Variants in MYRIP observed in about 807,000 individuals in gnomAD.
MYRIP encodes the protein myosin VIIA and Rab interacting protein.
In MYRIP, 49 loss-of-function variants were observed where a neutral mutation model predicts 98.0. The ratio of observed to expected loss-of-function variants is 0.50; its 90% CI spans 0.40 to 0.63. The LOEUF (loss-of-function observed/expected upper bound fraction) is 0.63, where lower values mean the gene tolerates loss of function less well. Ranked by LOEUF, MYRIP falls within the 30% of genes least tolerant of loss-of-function variation. The pLI, the probability that MYRIP is intolerant of heterozygous loss-of-function variation, is 0.00. For missense variants in MYRIP, 1,004 were observed against 1,058.2 expected (o/e 0.95, Z 0.71); for synonymous variants, 404 against 409.5 (o/e 0.99, Z 0.16).
At position 40,070,665 on chromosome 3, in the gene MYRIP, C is replaced by T. The variant is rs1226702396; in HGVS notation, c.332+26394C>T. Among the ~76,000 whole-genome samples, 87 of 152,082 alleles carry T rather than the reference C, an allele frequency of 5.7e-4. 2 individuals are homozygous for T. Among genetic ancestry groups the T allele is most frequent in the Admixed American group, 5.4e-3 (83 of 15,268 alleles). ...GTGTGTGCGAGGGATCTAGGGTACACGCTCCTCATGAGAATCTAATGCCTG... is the reference window on the plus strand; with the variant it reads ...GTGTGTGCGAGGGATCTAGGGTACATGCTCCTCATGAGAATCTAATGCCTG... On this transcript the variant is annotated intron_variant, in intron 3 of 16. Coordinates refer to ENST00000302541, the MANE Select transcript of MYRIP (RefSeq NM_015460.4).
intron 1 of MYRIP, among the ~76,000 whole-genome samples, chr3:39,887,480 C>G (rs1409383144): frequency 6.6e-6 from 1 of 152,116 alleles, no homozygotes; most frequent in Non-Finnish European, 1.5e-5. Flanking sequence ...TTCAACAATG[C>G]TTCATGCTAA....
At chr3:39,968,189 G>A (rs1945486662) in intron 2 of MYRIP, among the ~76,000 whole-genome samples, 1 of 150,110 alleles carries the variant, frequency 6.7e-6, no homozygotes, top group African/African-American at 2.5e-5. Flanking sequence ...TGTCTTTCAG[G>A]GTTTTTATAG....
At chr3:40,208,193 TC>T (rs1261984416) in intron 10 of MYRIP, among the ~76,000 whole-genome samples, 1 of 152,168 alleles carries the variant, frequency 6.6e-6, no homozygotes, top group African/African-American at 2.4e-5. Context: ...CCATGATGTA[TC>T]TTAGATTTAT....
At chr3:39,843,127 C>T (rs1460333553) in intron 1 of MYRIP, among the ~76,000 whole-genome samples, 1 of 152,132 alleles carries the variant, frequency 6.6e-6, no homozygotes, top group Non-Finnish European at 1.5e-5. Context: ...GCTTCTTTTT[C>T]TTATTACCTA....
At chr3:40,221,517 G>A (rs1016013725) in intron 11 of MYRIP, among the ~76,000 whole-genome samples, 3 of 152,158 alleles carry the variant, frequency 2.0e-5, no homozygotes, top group African/African-American at 7.2e-5. Context: ...TGTGGTCCCA[G>A]CTACTCCGGA....
At chr3:39,950,147 T>C (rs1181381239) in intron 2 of MYRIP, among the ~76,000 whole-genome samples, 1 of 152,216 alleles carries the variant, frequency 6.6e-6, no homozygotes, top group East Asian at 1.9e-4. Context: ...TTCAAAAATA[T>C]GAATTCTTCC....
chr3:40,033,917 A>G (rs1049823861), intron 2 of MYRIP, among the ~76,000 whole-genome samples: 6 of 152,100 alleles, frequency 3.9e-5, no homozygotes, highest in Non-Finnish European at 7.4e-5. Flanking sequence ...AAATAATGCC[A>G]CATATCTACA....
Position 40,016,491 on chromosome 3 carries a change from A to C in MYRIP, c.111-27559A>C, listed in dbSNP as rs373796284. Among the ~76,000 whole-genome samples the C allele has an allele frequency of 6.6e-5, 10 of 152,214 alleles. No homozygotes were observed. In the East Asian group the frequency reaches 1.2e-3, roughly 18 times the overall value. ...AGGATACAAAAAGCCCAGCCCTCTT[A>C]CTTCAGGTGGGATAACTCTGTGCTG... On this transcript the variant is annotated intron_variant, in intron 2 of 16. Coordinates refer to ENST00000302541, the MANE Select transcript of MYRIP (RefSeq NM_015460.4).
At chr3:40,107,491 G>C (rs1949071484) in intron 3 of MYRIP, among the ~76,000 whole-genome samples, 1 of 152,196 alleles carries the variant, frequency 6.6e-6, no homozygotes, top group African/African-American at 2.4e-5. Flanking sequence ...GACTATGAGA[G>C]CATAGAGGGG....
chr3:39,968,594 T>C (rs1945499941), intron 2 of MYRIP, among the ~76,000 whole-genome samples: 1 of 152,176 alleles, frequency 6.6e-6, no homozygotes, highest in South Asian at 2.1e-4. Context: ...CTTTTCCCCA[T>C]TGCTTATTTT....
chr3:40,124,999 A>T (rs565943990), intron 3 of MYRIP, among the ~76,000 whole-genome samples: 43 of 152,320 alleles, frequency 2.8e-4, no homozygotes, highest in African/African-American at 9.4e-4. Flanking sequence ...GGAACTTCAG[A>T]TTCCTCCTCT....
At chr3:40,108,206 AGAGAGAGG>A (rs1249080797) in intron 3 of MYRIP, among the ~76,000 whole-genome samples, 3 of 136,530 alleles carry the variant, frequency 2.2e-5, no homozygotes, top group East Asian at 4.6e-4. Flanking sequence ...AGAGAGAGAG[AGAGAGAGG>A]GTGAGTCGAA....
At chr3:40,132,315 G>A (rs898576419) in intron 3 of MYRIP, among the ~76,000 whole-genome samples, 64 of 152,272 alleles carry the variant, frequency 4.2e-4, no homozygotes, top group African/African-American at 1.5e-3. Context: ...CCCACCAGTT[G>A]CCTCCTAAGA....
At chr3:39,861,195 C>A (rs1306944826) in intron 1 of MYRIP, among the ~76,000 whole-genome samples, 1 of 152,186 alleles carries the variant, frequency 6.6e-6, no homozygotes, top group African/African-American at 2.4e-5. Context: ...GCTAGCCCCC[C>A]AGAGTTAGAG....
intron 3 of MYRIP, among the ~76,000 whole-genome samples, chr3:40,120,459 T>C (rs756061477): frequency 1.3e-5 from 2 of 152,190 alleles, no homozygotes; most frequent in African/African-American, 2.4e-5. Context: ...CAAAACAGGC[T>C]CACATCAGTG....
chr3:40,204,493 T>C (rs1333182655), intron 10 of MYRIP, among the ~76,000 whole-genome samples: 2 of 151,454 alleles, frequency 1.3e-5, no homozygotes, highest in African/African-American at 4.9e-5. Flanking sequence ...CACACTACAT[T>C]TAAGTGTGCA....
intron 2 of MYRIP, among the ~76,000 whole-genome samples, chr3:40,039,053 A>G (rs7632391): frequency 0.36 from 55,325 of 152,032 alleles, 10,125 homozygotes; most frequent in Middle Eastern, 0.4. Context: ...GCATGCCCAC[A>G]TGAAATGGTT....
Position 40,182,238 on chromosome 3 carries a change from T to C in MYRIP, c.892T>C (p.Ser298Pro). 6.8e-6 allele frequency: 11 copies of C among 1,612,114 alleles called. No homozygotes were observed. Among genetic ancestry groups the C allele is most frequent in the Non-Finnish European group, 8.5e-6 (10 of 1,179,124 alleles). The change falls in exon 9 of 17, where the codon TCA becomes CCA. Residue 298 changes from serine (S) to proline (P), a missense_variant. By Grantham distance (74) the Ser-to-Pro change is moderately conservative. This residue lies in a region of MYRIP where 880 missense variants were observed against 907.7 expected (regional missense o/e 0.97). Transcript: ENST00000302541. ...TCCACAGAGGTCCCAGTCTGCCTTC[T>C]CAATCACTGGAGAAGAAGCCCTGAA... The part of the protein sequence containing the change: ...AALWRSQSAF[S>P]ITGEEALKTP...
intron 1 of MYRIP, among the ~76,000 whole-genome samples, chr3:39,810,221 C>A (rs1940624498): frequency 6.6e-6 from 1 of 152,252 alleles, no homozygotes; most frequent in Non-Finnish European, 1.5e-5. Context: ...TCCCGGATGG[C>A]CACGTAGTGC....
Sources: allele counts gnomAD v4.1 joint callset (sites outside exome capture counted in the v4.1 genomes callset), GRCh38; gene constraint gnomAD v4.1.1; regional missense constraint gnomAD v4.1.1; transcripts MANE v1.5; gene names NCBI Gene and HGNC (gene_info 2026-07-23, HGNC 2026-07-21).